MAP3K7CL: variants seen among roughly 807,000 people sequenced by gnomAD.
The protein encoded by MAP3K7CL is MAP3K7 C-terminal like.
MAP3K7CL carries 16 observed loss-of-function variants against 18.6 expected under a neutral mutation model. The ratio of observed to expected loss-of-function variants is 0.86; its 90% CI spans 0.58 to 1.31. The LOEUF (loss-of-function observed/expected upper bound fraction) is 1.31. MAP3K7CL is among the 50% of genes most tolerant of loss of function. MAP3K7CL has a pLI of 0.00. For missense variants in MAP3K7CL, 163 were observed against 174.4 expected (o/e 0.93, Z 0.37); for synonymous variants, 65 against 66.8 (o/e 0.97, Z 0.13).
chr21:29,083,482 TTTG>T (rs2085871048), upstream of MAP3K7CL, among the ~76,000 whole-genome samples: 1 of 152,232 alleles, frequency 6.6e-6, no homozygotes, highest in Non-Finnish European at 1.5e-5. Context: ...GATGCCTGTT[TTTG>T]ATGGATGTCA....
At chr21:29,100,061 C>T (rs1038108822) in intron 4 of MAP3K7CL, among the ~76,000 whole-genome samples, 6 of 138,100 alleles carry the variant, frequency 4.3e-5, no homozygotes, top group Middle Eastern at 3.9e-3. Flanking sequence ...CTAGCCTGGG[C>T]GACAGAGCGA....
chr21:29,131,015 C>T (rs1486061423), intron 1 of MAP3K7CL, 92 bp downstream of exon 1: 9 of 816,416 alleles, frequency 1.1e-5, no homozygotes, highest in Non-Finnish European at 1.3e-5. Flanking sequence ...AGAGAAGGAA[C>T]CTGTGGTTCG....
upstream of MAP3K7CL, among the ~76,000 whole-genome samples, chr21:29,125,837 A>G (rs942734317): frequency 4.6e-5 from 7 of 152,204 alleles, no homozygotes; most frequent in African/African-American, 1.2e-4. Flanking sequence ...CCAAAGAGCA[A>G]TGGCACAAGA....
chr21:29,095,279 C>T, intron 4 of MAP3K7CL, among the ~76,000 whole-genome samples: 1 of 152,156 alleles, frequency 6.6e-6, no homozygotes, highest in East Asian at 1.9e-4. Context: ...AGGCACTTTC[C>T]TCCACTTTGA....
intron 2 of MAP3K7CL, among the ~76,000 whole-genome samples, chr21:29,136,339 C>G (rs1055492602): frequency 2.0e-4 from 30 of 152,028 alleles, no homozygotes; most frequent in East Asian, 7.7e-4. Flanking sequence ...GGCCTGCAGA[C>G]CACACATTTA....
At chr21:29,108,108 C>G (rs2086355827) in intron 4 of MAP3K7CL, among the ~76,000 whole-genome samples, 1 of 152,076 alleles carries the variant, frequency 6.6e-6, no homozygotes, top group African/African-American at 2.4e-5. Context: ...TCTGTGTCCC[C>G]CTAGAATTCA....
In MAP3K7CL at chr21:29,130,736, G is replaced by C; in HGVS notation, c.-227G>C. 2.0e-6 allele frequency: 2 copies of C among 985,588 alleles called. No homozygotes were observed. The highest frequency in any genetic ancestry group is 2.4e-6 in the Non-Finnish European group (2 of 830,050). The allele number at this position is 985,588 out of a possible 1,614,324, so 61.1% of individuals were successfully genotyped here. On this transcript the variant is annotated 5_prime_UTR_variant, in exon 1 of 5. Coordinates refer to ENST00000399928, the MANE Select transcript of MAP3K7CL (RefSeq NM_001286620.2). ...GGGAAGGGAGGTCCCGTGGGACGCT[G>C]GGGTCTGGGGCAGAGCAGGTAGCAG...
chr21:29,109,376 T>C, intron 4 of MAP3K7CL: 1 of 1,347,284 alleles, frequency 7.4e-7, no homozygotes, highest in Non-Finnish European at 9.5e-7. Context: ...GATCAACTCC[T>C]TGAAATCAGA....
intron 4 of MAP3K7CL, among the ~76,000 whole-genome samples, chr21:29,170,649 T>A (rs962216457): frequency 6.6e-6 from 1 of 151,126 alleles, no homozygotes; most frequent in Non-Finnish European, 1.5e-5. Context: ...TTTTTTTTTC[T>A]TTTTTTTTGG....
At chr21:29,114,307 G>C (rs918054204) in intron 4 of MAP3K7CL, among the ~76,000 whole-genome samples, 1 of 146,462 alleles carries the variant, frequency 6.8e-6, no homozygotes, top group Admixed American at 7.0e-5. Flanking sequence ...GGTCAAAATT[G>C]ATCTGCCCAC....
At chr21:29,131,718 G>A (rs1397304953) in intron 1 of MAP3K7CL, among the ~76,000 whole-genome samples, 1 of 152,028 alleles carries the variant, frequency 6.6e-6, no homozygotes, top group East Asian at 1.9e-4. Flanking sequence ...ACAGTTGCTG[G>A]TTTTTCTCCA....
chr21:29,097,100 T>C (rs1301547798), intron 4 of MAP3K7CL, among the ~76,000 whole-genome samples: 1 of 151,908 alleles, frequency 6.6e-6, no homozygotes, highest in Non-Finnish European at 1.5e-5. Flanking sequence ...CCCACCAAAA[T>C]CACAAGTAGG....
At chr21:29,112,220 C>T (rs1011859944) in intron 4 of MAP3K7CL, among the ~76,000 whole-genome samples, 5 of 152,268 alleles carry the variant, frequency 3.3e-5, no homozygotes, top group Admixed American at 1.3e-4. Flanking sequence ...ATCGCTTGAA[C>T]CCAGGAGGCA....
intron 4 of MAP3K7CL, among the ~76,000 whole-genome samples, chr21:29,104,652 C>A (rs991279860): frequency 6.6e-6 from 1 of 152,202 alleles, no homozygotes; most frequent in Admixed American, 6.5e-5. Flanking sequence ...TGGAATCACA[C>A]ACAGGAAAGG....
chr21:29,103,569 C>A (rs1159926757), intron 4 of MAP3K7CL, among the ~76,000 whole-genome samples: 1 of 152,080 alleles, frequency 6.6e-6, no homozygotes, highest in Admixed American at 6.5e-5. Context: ...TTCATCTCTA[C>A]TAAAAGTACA....
At position 29,160,073 on chromosome 21, in the gene MAP3K7CL, C is replaced by A. The variant is rs370309495; in HGVS notation, c.248+17C>A. 2.5e-6 allele frequency: 4 copies of A among 1,593,166 alleles called. No individual in the cohort carries two copies. The Admixed American group carries it at 6.7e-5, about 27-fold the overall frequency. ...GCAAAGGAAGTAAGTACCTACCCCCCTCACTCTACATCTGAGCACTGCCTA... is the reference window on the plus strand; with the variant it reads ...GCAAAGGAAGTAAGTACCTACCCCCATCACTCTACATCTGAGCACTGCCTA... On this transcript the variant is annotated intron_variant, in intron 4 of 4. Transcript: ENST00000399928.
Position 29,174,769 on chromosome 21 carries a change from G to T in MAP3K7CL, c.306G>T (p.Glu102Asp), listed in dbSNP as rs768389557. 8 of 1,614,070 alleles carry T rather than the reference G, an allele frequency of 5.0e-6. No homozygotes were observed. The South Asian group carries it at 8.8e-5, about 18-fold the overall frequency. Residue 102 changes from glutamate (E) to aspartate (D), a missense_variant, in exon 5 of 5, where the codon GAG (glutamate) becomes GAT (aspartate). Physicochemically the swap from Glu to Asp is conservative, Grantham distance 45. Transcript: ENST00000399928. ...AAAAGGAGAAGGTGGATGCTGCTGA[G>T]CTGGTTCGGGAATTCGAGGCTCTGA... ...QAEKEKVDAA[E>D]LVREFEALTE...
rs1377269015 is a variant in MAP3K7CL, at chr21:29,174,996, T to G, written c.*104T>G. 16 of 1,137,306 alleles carry G rather than the reference T, an allele frequency of 1.4e-5. No individual in the cohort carries two copies. The highest frequency in any genetic ancestry group is 2.0e-5 in the Non-Finnish European group (16 of 812,992). 70.5% of individuals were successfully genotyped at this position (1,137,306 alleles called of 1,614,324 possible). A position where few individuals can be genotyped will look rare whatever the true frequency, so the allele number is the denominator to read the frequency against. ...GTGAGTCAGATCTATTGCTTCTCTG[T>G]ATTACCCACATGACAACTGTCTATA... On this transcript the variant is annotated 3_prime_UTR_variant, in exon 5 of 5. Coordinates refer to ENST00000399928, the MANE Select transcript of MAP3K7CL (RefSeq NM_001286620.2).
upstream of MAP3K7CL, among the ~76,000 whole-genome samples, chr21:29,126,143 G>T (rs151225865): frequency 3.3e-5 from 5 of 152,212 alleles, no homozygotes; most frequent in Non-Finnish European, 7.3e-5. Context: ...ACGGCACTGT[G>T]GGGGGAGCTG....
Sources: allele counts gnomAD v4.1 joint callset (sites outside exome capture counted in the v4.1 genomes callset), GRCh38; gene constraint gnomAD v4.1.1; transcripts MANE v1.5; gene names NCBI Gene and HGNC (gene_info 2026-07-23, HGNC 2026-07-21).